BLTP1: variants seen among roughly 807,000 people sequenced by gnomAD.
BLTP1 encodes fragile site-associated protein.
the BLTP1 span, among the ~76,000 whole-genome samples, chr4:122,303,901 A>G: frequency 9.6e-4 from 147 of 152,334 alleles, no homozygotes; most frequent in African/African-American, 3.5e-3. Context: ...AGAATGTTCC[A>G]TAAACTTAGT....
chr4:122,202,798 A>G, the BLTP1 span, among the ~76,000 whole-genome samples: 1 of 152,148 alleles, frequency 6.6e-6, no homozygotes, highest in Non-Finnish European at 1.5e-5. Context: ...AGCTAAGTAC[A>G]CATTTCCTAA....
At chr4:122,264,090 G>T in the BLTP1 span, 2 of 927,282 alleles carry the variant, frequency 2.2e-6, no homozygotes, top group African/African-American at 1.8e-5. Context: ...AATCATGTCT[G>T]TAAAATAACC....
chr4:122,253,607 A>C, the BLTP1 span, among the ~76,000 whole-genome samples: 2 of 152,114 alleles, frequency 1.3e-5, no homozygotes, highest in East Asian at 1.9e-4. Context: ...TAGAGGAGAC[A>C]AAAGAAAAAA....
At chr4:122,199,960 A>G in the BLTP1 span, 2 of 972,804 alleles carry the variant, frequency 2.1e-6, no homozygotes, top group Admixed American at 1.2e-4. Flanking sequence ...TTGGGGACTC[A>G]TTAATCAAGC....
chr4:122,227,801 C>G, the BLTP1 span: 1 of 151,440 alleles, frequency 6.6e-6, no homozygotes, highest in African/African-American at 2.4e-5. Context: ...GAATTGGTTC[C>G]TTAGTCACAG....
chr4:122,239,814 C>A, the BLTP1 span: 1 of 1,614,140 alleles, frequency 6.2e-7, no homozygotes, highest in Non-Finnish European at 8.5e-7. Flanking sequence ...TTCATTTCAT[C>A]AGTATCGATC....
chr4:122,193,221 A>G, the BLTP1 span, among the ~76,000 whole-genome samples: 1 of 152,304 alleles, frequency 6.6e-6, no homozygotes, highest in South Asian at 2.1e-4. Flanking sequence ...GGACTTCAGC[A>G]TATGAATTTT....
the BLTP1 span, chr4:122,167,771 A>G: frequency 1.0e-6 from 1 of 985,290 alleles, no homozygotes; most frequent in Non-Finnish European, 1.2e-6. Context: ...GGCCGCTGAG[A>G]CTTCTGTTTC....
the BLTP1 span, chr4:122,281,503 T>A: frequency 6.5e-7 from 1 of 1,538,092 alleles, no homozygotes. Context: ...CGTCCTGTGT[T>A]TATTTTTTAA....
At chr4:122,347,898 TCAAA>T in the BLTP1 span, 1 of 448,122 alleles carries the variant, frequency 2.2e-6, no homozygotes. Context: ...TTATGACACG[TCAAA>T]AAAAAAAAAA....
chr4:122,186,852 T>C, the BLTP1 span, among the ~76,000 whole-genome samples: 2 of 152,056 alleles, frequency 1.3e-5, no homozygotes, highest in Non-Finnish European at 2.9e-5. Context: ...TCTATCTGTT[T>C]AGTGAATTGC....
At chr4:122,249,811 G>T in the BLTP1 span, 1,271 of 1,427,388 alleles carry the variant, frequency 8.9e-4, 12 homozygotes, top group African/African-American at 0.016. Flanking sequence ...TGGTATCTGG[G>T]ATTATTTACC....
At chr4:122,333,820 A>G in the BLTP1 span, 253 of 1,605,660 alleles carry the variant, frequency 1.6e-4, 2 homozygotes, top group African/African-American at 3.1e-3. Flanking sequence ...GTAAAAACCC[A>G]ATTGCCTAGG....
At chr4:122,247,346 T>G in the BLTP1 span, 1 of 1,613,276 alleles carries the variant, frequency 6.2e-7, no homozygotes, top group Non-Finnish European at 8.5e-7. Flanking sequence ...CTTAGGGGTC[T>G]TGATACAACA....
At chr4:122,230,000 A>G in the BLTP1 span, 15 of 1,614,036 alleles carry the variant, frequency 9.3e-6, no homozygotes, top group African/African-American at 2.7e-5. Context: ...CAGTGCTGCA[A>G]TTCAGGATTT....
chr4:122,308,571 A>G, the BLTP1 span, among the ~76,000 whole-genome samples: 1 of 152,110 alleles, frequency 6.6e-6, no homozygotes, highest in Non-Finnish European at 1.5e-5. Flanking sequence ...AGAATAGGGA[A>G]TTCCAAAATG....
chr4:122,341,700 C>A, the BLTP1 span: 2 of 984,722 alleles, frequency 2.0e-6, no homozygotes, highest in African/African-American at 3.5e-5. Flanking sequence ...TCCATTCTTT[C>A]AAAGGATCTT....
At chr4:122,222,858 G>A in the BLTP1 span, 1 of 277,242 alleles carries the variant, frequency 3.6e-6, no homozygotes, top group Admixed American at 6.5e-5. Flanking sequence ...ATATTTTTGA[G>A]GGATGCCATT....
chr4:122,261,611 C>T, the BLTP1 span: 12,105 of 982,382 alleles, frequency 0.012, 228 homozygotes, highest in African/African-American at 0.081. Flanking sequence ...TCTTAACACA[C>T]CTTGATTATT....
Sources: allele counts gnomAD v4.1 joint callset (sites outside exome capture counted in the v4.1 genomes callset), GRCh38; gene constraint gnomAD v4.1.1; transcripts MANE v1.5; gene names NCBI Gene and HGNC (gene_info 2026-07-23, HGNC 2026-07-21).